The following CNTN4 variants were observed in gnomAD, a reference collection of about 807,000 sequenced individuals.
CNTN4 encodes the protein contactin 4, also known as contactin-4.
A neutral mutation model predicts 122.5 loss-of-function variants in CNTN4; 77 were observed. The ratio of observed to expected loss-of-function variants is 0.63; its 90% CI spans 0.52 to 0.76. The LOEUF is 0.76. Among genes scored for constraint, CNTN4 ranks in the 30% least tolerant of loss-of-function variants. The pLI, the probability that CNTN4 is intolerant of heterozygous loss-of-function variation, is 0.00. For synonymous variants in CNTN4, 512 were observed against 447.0 expected, an observed-to-expected ratio of 1.15 and a Z score of -1.83; for missense variants, 1,256 against 1,259.1, an observed-to-expected ratio of 1.00 and a Z score of 0.04.
At chr3:2,284,633 A>G (rs1049872914) in intron 2 of CNTN4, among the ~76,000 whole-genome samples, 13 of 152,052 alleles carry the variant, frequency 8.5e-5, no homozygotes, top group African/African-American at 2.7e-4. Flanking sequence ...TCTATTGTGG[A>G]GAAATTTATC....
rs377541581 is a variant in CNTN4, at chr3:2,108,748, C to T, written c.-145+8109C>T. Among the ~76,000 whole-genome samples the T allele has an allele frequency of 7.6e-4, 115 of 152,276 alleles. 1 individual carries two copies. The highest frequency in any genetic ancestry group is 2.5e-3 in the African/African-American group (105 of 41,554). On this transcript the variant is annotated intron_variant, in intron 2 of 24. Transcript: ENST00000418658. ...AAAGACATCATAAATTAAATCACTT[C>T]GTTTAGTGATGGACACATCTATAAC...
At chr3:2,596,363 C>A (rs1047118715) in intron 4 of CNTN4, among the ~76,000 whole-genome samples, 4 of 152,046 alleles carry the variant, frequency 2.6e-5, no homozygotes, top group Admixed American at 1.3e-4. Flanking sequence ...TTTAAACATA[C>A]TAGTAAAATG....
intron 4 of CNTN4, among the ~76,000 whole-genome samples, chr3:2,719,236 T>G (rs2087687860): frequency 1.3e-5 from 2 of 152,150 alleles, no homozygotes; most frequent in African/African-American, 4.8e-5. Flanking sequence ...AAGGAACAAT[T>G]TCTCCATAGA....
chr3:2,323,356 T>C (rs948810518), intron 2 of CNTN4, among the ~76,000 whole-genome samples: 4 of 152,152 alleles, frequency 2.6e-5, no homozygotes, highest in Non-Finnish European at 5.9e-5. Flanking sequence ...GAGAACGTTG[T>C]TGCGTGCCAT....
At chr3:2,284,896 A>G (rs2041847283) in intron 2 of CNTN4, among the ~76,000 whole-genome samples, 1 of 151,928 alleles carries the variant, frequency 6.6e-6, no homozygotes, top group Admixed American at 6.6e-5. Context: ...GATCCAAAAC[A>G]TATACCACAG....
rs114177361 is a variant in CNTN4 at position 2,467,532 on chromosome 3, C to T, written c.-88-103884C>T. Among the ~76,000 whole-genome samples the T allele has an allele frequency of 1.6e-3, 238 of 152,178 alleles. 1 individual carries two copies. Among genetic ancestry groups the T allele is most frequent in the African/African-American group, 5.5e-3 (229 of 41,502 alleles). ...AGCCTTTCTCCTTATGTTTGTATGA[C>T]AATTGGGAATTTATTTAATGTCTCT... On this transcript the variant is annotated intron_variant, in intron 3 of 24. Transcript: ENST00000418658.
rs987064297 is a variant in CNTN4 at position 2,877,670 on chromosome 3, C to T, written c.653-5475C>T. On this transcript the variant is annotated intron_variant, in intron 8 of 24. Coordinates refer to ENST00000418658, the MANE Select transcript of CNTN4 (RefSeq NM_175607.3). ...CATCTTCCCACCTTTTTTAATAGTT[C>T]GAAGATGAAAAGGGGGTTCTGGAGC... Among the ~76,000 whole-genome samples, 9 of 152,072 alleles carry T rather than the reference C, an allele frequency of 5.9e-5. No individual in the cohort carries two copies. The South Asian group carries it at 1.5e-3, about 25-fold the overall frequency.
intron 3 of CNTN4, among the ~76,000 whole-genome samples, chr3:2,484,323 G>T (rs1170403975): frequency 6.6e-6 from 1 of 152,142 alleles, no homozygotes; most frequent in Non-Finnish European, 1.5e-5. Context: ...AAGACAGTAA[G>T]TCCAATTCTA....
At chr3:2,225,827 T>G (rs574313661) in intron 2 of CNTN4, among the ~76,000 whole-genome samples, 74 of 152,308 alleles carry the variant, frequency 4.9e-4, no homozygotes, top group Middle Eastern at 3.4e-3. Context: ...TAGGAAGTTG[T>G]CATGAAGGAC....
At chr3:2,277,537 C>A (rs1358704057) in intron 2 of CNTN4, among the ~76,000 whole-genome samples, 1 of 152,032 alleles carries the variant, frequency 6.6e-6, no homozygotes, top group African/African-American at 2.4e-5. Flanking sequence ...TTCTGGTCTC[C>A]CCCTCTTGCC....
chr3:2,718,879 C>T (rs1188303775), intron 4 of CNTN4, among the ~76,000 whole-genome samples: 1 of 151,928 alleles, frequency 6.6e-6, no homozygotes, highest in Non-Finnish European at 1.5e-5. Flanking sequence ...AAATGATGGG[C>T]CCAAATTGGA....
intron 7 of CNTN4, among the ~76,000 whole-genome samples, chr3:2,827,736 A>T (rs1211379577): frequency 2.0e-5 from 3 of 152,168 alleles, no homozygotes; most frequent in Non-Finnish European, 4.4e-5. Context: ...GATTCTTTAT[A>T]TTTGCATTTT....
At chr3:2,482,689 T>C (rs2076039670) in intron 3 of CNTN4, among the ~76,000 whole-genome samples, 1 of 152,124 alleles carries the variant, frequency 6.6e-6, no homozygotes, top group Non-Finnish European at 1.5e-5. Context: ...CGGCCGTGGC[T>C]AAAAGGGGCC....
rs538881208 is a variant in CNTN4 at position 2,783,357 on chromosome 3, C to G, written c.359-36129C>G. Among the ~76,000 whole-genome samples the G allele has an allele frequency of 2.6e-5, 4 of 152,190 alleles. No individual in the cohort carries two copies. The South Asian group carries it at 6.2e-4, about 24-fold the overall frequency. On this transcript the variant is annotated intron_variant, in intron 6 of 24. Transcript: ENST00000418658. The stretch of plus-strand genomic sequence containing the variant: ...AGATAATTCGTCTTGAAAAAGGTCA[C>G]AGCAGTTAGCTGCAGTCTGAATGCT...
At chr3:2,915,881 A>G (rs2094348150) in intron 12 of CNTN4, among the ~76,000 whole-genome samples, 1 of 152,252 alleles carries the variant, frequency 6.6e-6, no homozygotes, top group Non-Finnish European at 1.5e-5. Context: ...ATGTATTACA[A>G]CATGAATGAA....
intron 12 of CNTN4, among the ~76,000 whole-genome samples, chr3:2,922,225 G>A (rs931504253): frequency 3.3e-5 from 5 of 152,128 alleles, no homozygotes; most frequent in East Asian, 1.9e-4. Context: ...AAGTGCCAGC[G>A]AAGGTTAGAT....
intron 3 of CNTN4, among the ~76,000 whole-genome samples, chr3:2,345,267 C>T (rs1194943669): frequency 6.6e-6 from 1 of 151,828 alleles, no homozygotes; most frequent in East Asian, 1.9e-4. Flanking sequence ...TTTTTTTTTA[C>T]CCTTTCAGAC....
intron 3 of CNTN4, among the ~76,000 whole-genome samples, chr3:2,567,967 C>A (rs2079247373): frequency 6.6e-6 from 1 of 152,116 alleles, no homozygotes; most frequent in Admixed American, 6.5e-5. Context: ...GGTTTATTAG[C>A]ACCTCCTGCT....
chr3:2,784,883 A>G (rs1328656621), intron 6 of CNTN4, among the ~76,000 whole-genome samples: 2 of 152,162 alleles, frequency 1.3e-5, no homozygotes, highest in Non-Finnish European at 2.9e-5. Context: ...TCTCCTACAG[A>G]AGTAAGTGCT....
Sources: gnomAD v4.1 joint callset for allele counts (sites outside exome capture counted in the v4.1 genomes callset) on GRCh38, gnomAD v4.1.1 for gene constraint, MANE v1.5 for transcripts, NCBI Gene and HGNC (gene_info 2026-07-23, HGNC 2026-07-21) for gene names.